Variants in SLC24A3 observed in about 807,000 individuals in gnomAD.
SLC24A3 encodes the protein sodium/potassium/calcium exchanger 3.
SLC24A3 carries 28 observed loss-of-function variants against 75.8 expected under a neutral mutation model. The observed-to-expected ratio is 0.37, with a 90% CI of 0.27 to 0.51. The LOEUF (loss-of-function observed/expected upper bound fraction) is 0.51, where lower values mean the gene tolerates loss of function less well. Among genes scored for constraint, SLC24A3 ranks in the 20% least tolerant of loss-of-function variants. The pLI, the probability that SLC24A3 is intolerant of heterozygous loss-of-function variation, is 0.94. For missense variants in SLC24A3, 663 were observed against 847.8 expected, an observed-to-expected ratio of 0.78 and a Z score of 2.71; for synonymous variants, 372 against 334.1, an observed-to-expected ratio of 1.11 and a Z score of -1.24.
At chr20:19,213,825 A>T (rs1322043420) in intron 1 of SLC24A3, among the ~76,000 whole-genome samples, 2 of 152,218 alleles carry the variant, frequency 1.3e-5, no homozygotes, top group Admixed American at 1.3e-4. Flanking sequence ...TCAGCTGTCT[A>T]TAAAATGAAG....
At chr20:19,717,434 A>T in intron 15 of SLC24A3, 94 bp from the exon 16 acceptor site, 1 of 1,230,028 alleles carries the variant, frequency 8.1e-7, no homozygotes, top group Non-Finnish European at 1.2e-6. Context: ...AATCACTGCT[A>T]CTCAGAGTTG....
At position 19,315,298 on chromosome 20, in the gene SLC24A3, G is replaced by A. The variant is rs556138588; in HGVS notation, c.271+34211G>A. 7.9e-5 allele frequency among the ~76,000 whole-genome samples: 12 copies of A among 152,290 alleles called. 1 individual carries two copies. The highest frequency in any genetic ancestry group is 2.9e-4 in the African/African-American group (12 of 41,542). On this transcript the variant is annotated intron_variant, in intron 2 of 16. Transcript: ENST00000328041. ...GAGGCTGCGGCAGCAGCCTGGCAGT[G>A]GCCCCAGGGTAGGTTTTCCAGAATA...
At chr20:19,623,114 T>A (rs1468686556) in intron 6 of SLC24A3, among the ~76,000 whole-genome samples, 7 of 152,202 alleles carry the variant, frequency 4.6e-5, no homozygotes, top group Non-Finnish European at 1.0e-4. Flanking sequence ...TAACAAGTTC[T>A]AACTGTTTTT....
chr20:19,226,371 A>G (rs1981870487), intron 1 of SLC24A3, among the ~76,000 whole-genome samples: 1 of 152,092 alleles, frequency 6.6e-6, no homozygotes. Context: ...ACGGACCTGT[A>G]ATTTTCTTCA....
intron 2 of SLC24A3, among the ~76,000 whole-genome samples, chr20:19,472,827 G>A (rs1244024690): frequency 1.3e-5 from 2 of 152,184 alleles, no homozygotes; most frequent in East Asian, 3.9e-4. Context: ...AATCATCCAC[G>A]TTCACACCCT....
chr20:19,442,383 T>A (rs1987311422), intron 2 of SLC24A3, among the ~76,000 whole-genome samples: 1 of 152,208 alleles, frequency 6.6e-6, no homozygotes, highest in South Asian at 2.1e-4. Flanking sequence ...GTGGTGTCAG[T>A]CTTTTGGATT....
At chr20:19,558,488 C>T (rs1424503486) in intron 3 of SLC24A3, among the ~76,000 whole-genome samples, 1 of 152,100 alleles carries the variant, frequency 6.6e-6, no homozygotes, top group Non-Finnish European at 1.5e-5. Flanking sequence ...GTTTTCCCAC[C>T]AAGCTGTTTG....
intron 1 of SLC24A3, among the ~76,000 whole-genome samples, chr20:19,242,849 T>C (rs1982369474): frequency 6.6e-6 from 1 of 152,224 alleles, no homozygotes; most frequent in African/African-American, 2.4e-5. Flanking sequence ...ATAATTATTT[T>C]GCATCACTGT....
At position 19,661,371 on chromosome 20, in the gene SLC24A3, C is replaced by A. The variant is rs532569776; in HGVS notation, c.688-4493C>A. ...CTTTGAAATATAAGTGATACTGGTG[C>A]CTAACAGCCAGCTTCCCAGTGTATT... is the stretch of plus-strand genomic sequence containing the variant. On this transcript the variant is annotated intron_variant, in intron 7 of 16. Coordinates refer to ENST00000328041, the MANE Select transcript of SLC24A3 (RefSeq NM_020689.4). Among the ~76,000 whole-genome samples the A allele has an allele frequency of 5.3e-5, 8 of 152,220 alleles. No individual in the cohort carries two copies. The South Asian group carries it at 1.7e-3, about 32-fold the overall frequency.
intron 6 of SLC24A3, among the ~76,000 whole-genome samples, chr20:19,618,341 G>C (rs1027777142): frequency 6.6e-6 from 1 of 152,182 alleles, no homozygotes; most frequent in Non-Finnish European, 1.5e-5. Flanking sequence ...GGTGTCAGGA[G>C]GGTTGCTGTC....
chr20:19,704,886 C>A (rs779019953), intron 15 of SLC24A3, among the ~76,000 whole-genome samples: 46 of 152,040 alleles, frequency 3.0e-4, no homozygotes, highest in Non-Finnish European at 5.3e-4. Flanking sequence ...ATGCTAAATC[C>A]AATATAGTTC....
chr20:19,532,546 T>C (rs2030321964), intron 3 of SLC24A3, among the ~76,000 whole-genome samples: 2 of 152,180 alleles, frequency 1.3e-5, no homozygotes, highest in African/African-American at 4.8e-5. Flanking sequence ...CCTGAGTTCA[T>C]CTTCTGGAAA....
chr20:19,321,849 A>C (rs1362492888), intron 2 of SLC24A3, among the ~76,000 whole-genome samples: 1 of 152,188 alleles, frequency 6.6e-6, no homozygotes, highest in Non-Finnish European at 1.5e-5. Context: ...TAAATCTAGA[A>C]TCTAGCCAAG....
chr20:19,393,656 G>A (rs571267752), intron 2 of SLC24A3, among the ~76,000 whole-genome samples: 6 of 152,128 alleles, frequency 3.9e-5, no homozygotes, highest in African/African-American at 1.2e-4. Flanking sequence ...CAAGGAGGAA[G>A]GCAAGAGATT....
At chr20:19,571,729 T>C (rs2031055470) in intron 3 of SLC24A3, among the ~76,000 whole-genome samples, 1 of 152,206 alleles carries the variant, frequency 6.6e-6, no homozygotes, top group Non-Finnish European at 1.5e-5. Context: ...GCAAGAAAAC[T>C]ATTTCAGCTG....
At chr20:19,272,451 A>C (rs947518226) in intron 1 of SLC24A3, among the ~76,000 whole-genome samples, 2 of 152,246 alleles carry the variant, frequency 1.3e-5, no homozygotes. Context: ...TGCTGGGCAC[A>C]TGAGTCACCT....
At chr20:19,534,255 T>A (rs1234038888) in intron 3 of SLC24A3, among the ~76,000 whole-genome samples, 1 of 151,942 alleles carries the variant, frequency 6.6e-6, no homozygotes, top group Non-Finnish European at 1.5e-5. Flanking sequence ...CCAGGGAGGG[T>A]TTTATATCCT....
Position 19,433,374 on chromosome 20 carries a change from G to A in SLC24A3, c.272-82114G>A, listed in dbSNP as rs935277440. On this transcript the variant is annotated intron_variant, in intron 2 of 16. Transcript: ENST00000328041. ...ATGCAGTGGTTTTAATGAATGTTCCGCAGGGAAAACGCACCAAGATTTGTT... is the reference window on the plus strand; with the variant it reads ...ATGCAGTGGTTTTAATGAATGTTCCACAGGGAAAACGCACCAAGATTTGTT... Among the ~76,000 whole-genome samples the A allele has an allele frequency of 2.6e-5, 4 of 152,290 alleles. 1 individual carries two copies. In the South Asian group the frequency reaches 6.2e-4, roughly 24 times the overall value.
intron 2 of SLC24A3, among the ~76,000 whole-genome samples, chr20:19,329,964 C>A (rs949374505): frequency 2.6e-5 from 4 of 152,174 alleles, no homozygotes; most frequent in African/African-American, 9.7e-5. Flanking sequence ...TTACTGGACA[C>A]CCCTCGAGCT....
Sources: allele counts gnomAD v4.1 joint callset (sites outside exome capture counted in the v4.1 genomes callset), GRCh38; gene constraint gnomAD v4.1.1; transcripts MANE v1.5; gene names NCBI Gene and HGNC (gene_info 2026-07-23, HGNC 2026-07-21).